Variants in DDX10 observed in about 807,000 individuals in gnomAD.
DDX10 encodes the protein DEAD-box helicase 10.
DDX10 carries 74 observed loss-of-function variants against 104.3 expected under a neutral mutation model. The observed-to-expected ratio is 0.71, with a 90% confidence interval of 0.59 to 0.86. The LOEUF is 0.86. DDX10 is among the 40% of genes least tolerant of loss of function. The pLI is 0.00. For missense variants in DDX10, 952 were observed against 1,040.0 expected (o/e 0.92, Z 1.16); for synonymous variants, 351 against 353.4 (o/e 0.99, Z 0.08).
At chr11:108,809,469 C>T (rs1862148025) in intron 13 of DDX10, among the ~76,000 whole-genome samples, 1 of 152,134 alleles carries the variant, frequency 6.6e-6, no homozygotes, top group Admixed American at 6.5e-5. Flanking sequence ...GTGAAACACT[C>T]CCAATTTCAG....
chr11:108,723,408 G>A lies in DDX10; in HGVS notation c.1911G>A (p.Lys637=), dbSNP rs776762284. The change falls in exon 13 of 18, where the codon AAG becomes AAA. Residue 637 remains lysine (K), a synonymous_variant. Coordinates refer to ENST00000322536, the MANE Select transcript of DDX10 (RefSeq NM_004398.4). ...DEEEEDADFL[K]VKRHNVFGLD... ...AGGAAGAAGATGCTGATTTCTTGAA[G>A]GTGAAGCGGCATAATGTGTTTGGAT... 23 of 1,613,868 alleles carry A rather than the reference G, an allele frequency of 1.4e-5. No homozygotes were observed. The East Asian group carries it at 4.7e-4, about 33-fold the overall frequency.
chr11:108,696,798 C>T (rs2094260499), intron 9 of DDX10, among the ~76,000 whole-genome samples: 1 of 151,562 alleles, frequency 6.6e-6, no homozygotes, highest in African/African-American at 2.4e-5. Flanking sequence ...TTTAGATGTG[C>T]CAGTGGTATT....
chr11:108,791,793 G>T (rs921797316), intron 13 of DDX10, among the ~76,000 whole-genome samples: 18 of 152,166 alleles, frequency 1.2e-4, no homozygotes, highest in African/African-American at 4.1e-4. Flanking sequence ...CATTTCTTTT[G>T]AGTAAATGCT....
At chr11:108,819,444 A>G (rs983283922) in intron 13 of DDX10, among the ~76,000 whole-genome samples, 4 of 152,228 alleles carry the variant, frequency 2.6e-5, no homozygotes, top group Non-Finnish European at 5.9e-5. Context: ...TTTGGAAATG[A>G]CACATTTTTT....
At chr11:108,669,530 T>C (rs774830314) in intron 1 of DDX10, among the ~76,000 whole-genome samples, 3 of 152,168 alleles carry the variant, frequency 2.0e-5, no homozygotes, top group Non-Finnish European at 4.4e-5. Flanking sequence ...CCTTGGAGTG[T>C]TGGATGCATT....
chr11:108,907,848 T>C (rs530949789), intron 16 of DDX10, among the ~76,000 whole-genome samples: 1 of 152,272 alleles, frequency 6.6e-6, no homozygotes, highest in South Asian at 2.1e-4. Context: ...CAAATCACCA[T>C]TATAGAATAA....
chr11:108,864,702 C>G (rs961799124), intron 16 of DDX10, among the ~76,000 whole-genome samples: 2 of 152,088 alleles, frequency 1.3e-5, no homozygotes, highest in South Asian at 4.1e-4. Context: ...TCACGTGATC[C>G]TCTCACCTCA....
chr11:108,881,970 T>G (rs1255806042), intron 16 of DDX10, among the ~76,000 whole-genome samples: 5 of 152,316 alleles, frequency 3.3e-5, no homozygotes, highest in Middle Eastern at 3.4e-3. Flanking sequence ...TGGTAGAATA[T>G]CCTTCAAGAG....
intron 13 of DDX10, among the ~76,000 whole-genome samples, chr11:108,829,343 A>G (rs1862439105): frequency 6.6e-6 from 1 of 152,174 alleles, no homozygotes; most frequent in Non-Finnish European, 1.5e-5. Flanking sequence ...GATTTCTCTG[A>G]TAACTAGTGA....
At chr11:108,720,584 A>G (rs1052790025) in intron 12 of DDX10, among the ~76,000 whole-genome samples, 1 of 151,942 alleles carries the variant, frequency 6.6e-6, no homozygotes, top group Admixed American at 6.6e-5. Flanking sequence ...TTGGCTTAGT[A>G]TTTGAGGGAT....
intron 13 of DDX10, among the ~76,000 whole-genome samples, chr11:108,837,607 C>G (rs79128658): frequency 1.7e-4 from 6 of 34,722 alleles, no homozygotes; most frequent in East Asian, 1.1e-3. Context: ...TTGGATACAG[C>G]TTTTTTTTTT....
intron 13 of DDX10, among the ~76,000 whole-genome samples, chr11:108,730,917 G>T (rs2094311318): frequency 6.6e-6 from 1 of 151,188 alleles, no homozygotes; most frequent in South Asian, 2.1e-4. Context: ...GGAACATTTT[G>T]GGGCAGTTGA....
intron 6 of DDX10, among the ~76,000 whole-genome samples, chr11:108,688,557 G>T (rs528457411): frequency 1.3e-5 from 2 of 152,072 alleles, no homozygotes; most frequent in Non-Finnish European, 2.9e-5. Context: ...TATGAAAATT[G>T]TAAGTATACA....
At chr11:108,849,754 A>G (rs1862766577) in intron 15 of DDX10, among the ~76,000 whole-genome samples, 1 of 152,098 alleles carries the variant, frequency 6.6e-6, no homozygotes, top group Non-Finnish European at 1.5e-5. Flanking sequence ...AAAATAAAGC[A>G]TTTAAGGCAT....
intron 15 of DDX10, among the ~76,000 whole-genome samples, chr11:108,851,376 TCAAAATCAGTAATTGGTGC>T (rs1260381153): frequency 1.3e-5 from 2 of 152,170 alleles, no homozygotes; most frequent in African/African-American, 4.8e-5. Context: ...CTGCTAATCC[TCAAAATCAGTAATTGGTGC>T]CAACTTAATT....
chr11:108,851,732 A>G (rs1015113095), intron 15 of DDX10, among the ~76,000 whole-genome samples: 2 of 151,026 alleles, frequency 1.3e-5, no homozygotes, highest in African/African-American at 2.5e-5. Context: ...CATTTTCTAA[A>G]GAAGCTCTTT....
intron 13 of DDX10, among the ~76,000 whole-genome samples, chr11:108,829,112 G>A (rs1358083636): frequency 6.6e-6 from 1 of 152,186 alleles, no homozygotes; most frequent in East Asian, 1.9e-4. Flanking sequence ...ATACCTAATA[G>A]TGGGATGTCT....
rs550487171 is a variant in DDX10, at chr11:108,756,369, G to C, written c.1965+32907G>C. 7.9e-5 allele frequency among the ~76,000 whole-genome samples: 12 copies of C among 152,114 alleles called. No individual in the cohort carries two copies. In the South Asian group the frequency reaches 2.5e-3, roughly 32 times the overall value. ...CACGGAGATCAAATGGCATTCTTGG[G>C]TTTAATCAGATTGCAAACACAATGG... On this transcript the variant is annotated intron_variant, in intron 13 of 17. Coordinates refer to ENST00000322536, the MANE Select transcript of DDX10 (RefSeq NM_004398.4).
intron 13 of DDX10, among the ~76,000 whole-genome samples, chr11:108,743,250 A>G (rs576539834): frequency 7.9e-5 from 12 of 152,358 alleles, no homozygotes; most frequent in Non-Finnish European, 1.6e-4. Context: ...AATGTTATCC[A>G]TCGTATAATC....
Sources: gnomAD v4.1 joint callset for allele counts (sites outside exome capture counted in the v4.1 genomes callset) on GRCh38, gnomAD v4.1.1 for gene constraint, MANE v1.5 for transcripts, NCBI Gene and HGNC (gene_info 2026-07-23, HGNC 2026-07-21) for gene names.